MSRA: variants seen among roughly 807,000 people sequenced by gnomAD.
MSRA encodes the protein mitochondrial peptide methionine sulfoxide reductase.
A neutral mutation model predicts 31.3 loss-of-function variants in MSRA; 54 were observed. That is an observed-to-expected ratio of 1.73 (90% CI 1.39 to 2.17). MSRA has a LOEUF of 2.17. Ranked by LOEUF, MSRA falls within the 30% of genes most tolerant of loss-of-function variation. The pLI, the probability that MSRA is intolerant of heterozygous loss-of-function variation, is 0.00. For synonymous variants in MSRA, 169 were observed against 116.5 expected, an observed-to-expected ratio of 1.45 and a Z score of -2.90; for missense variants, 507 against 300.9, an observed-to-expected ratio of 1.69 and a Z score of -5.07.
At chr8:10,232,562 T>C (rs963777347) in intron 2 of MSRA, among the ~76,000 whole-genome samples, 3 of 152,206 alleles carry the variant, frequency 2.0e-5, no homozygotes, top group African/African-American at 7.2e-5. Flanking sequence ...CAATCACAGA[T>C]CTTTACCAGT....
intron 5 of MSRA, among the ~76,000 whole-genome samples, chr8:10,376,349 G>T (rs115893090): frequency 8.5e-4 from 130 of 152,334 alleles, no homozygotes; most frequent in African/African-American, 3.0e-3. Context: ...GGCATCTGTA[G>T]GACTGCGCCT....
chr8:10,083,704 C>G (rs1354383748), intron 1 of MSRA, among the ~76,000 whole-genome samples: 1 of 151,944 alleles, frequency 6.6e-6, no homozygotes, highest in Non-Finnish European at 1.5e-5. Context: ...CTTATTCTGA[C>G]AGTTTTATCT....
At chr8:10,170,079 G>GT (rs1312651386) in intron 1 of MSRA, among the ~76,000 whole-genome samples, 21 of 143,152 alleles carry the variant, frequency 1.5e-4, no homozygotes, top group African/African-American at 5.5e-4. Context: ...TAGAGACAGG[G>GT]TTTCACCATG....
At chr8:10,338,267 C>T (rs1365106862) in intron 5 of MSRA, among the ~76,000 whole-genome samples, 3 of 152,134 alleles carry the variant, frequency 2.0e-5, no homozygotes, top group Non-Finnish European at 4.4e-5. Flanking sequence ...AAAAATACCG[C>T]ATGATCTCAC....
At chr8:10,108,395 C>T (rs1585163556) in intron 1 of MSRA, among the ~76,000 whole-genome samples, 1 of 152,222 alleles carries the variant, frequency 6.6e-6, no homozygotes, top group Non-Finnish European at 1.5e-5. Flanking sequence ...GAGTGACTCC[C>T]ACTGACTTGC....
chr8:10,271,065 CTT>C (rs71837112), intron 3 of MSRA, among the ~76,000 whole-genome samples: 3,653 of 142,806 alleles, frequency 0.026, 143 homozygotes, highest in African/African-American at 0.087. Context: ...GTTCTTTCTT[CTT>C]TTTTTTTTTT....
chr8:10,223,838 G>T (rs1810741546), intron 2 of MSRA, among the ~76,000 whole-genome samples: 1 of 152,120 alleles, frequency 6.6e-6, no homozygotes, highest in South Asian at 2.1e-4. Flanking sequence ...TATAAAACGT[G>T]AAGACCCATC....
chr8:10,110,026 TTCAG>T (rs1473614782), intron 1 of MSRA, among the ~76,000 whole-genome samples: 3 of 152,152 alleles, frequency 2.0e-5, no homozygotes, highest in African/African-American at 4.8e-5. Flanking sequence ...CATCCCAGAT[TTCAG>T]TCCGTCCTTG....
At chr8:10,321,493 G>A (rs1391496617) in intron 5 of MSRA, among the ~76,000 whole-genome samples, 3 of 152,004 alleles carry the variant, frequency 2.0e-5, no homozygotes. Flanking sequence ...TCCCTCCCAG[G>A]GTGATGTCTG....
At position 10,096,304 on chromosome 8, in the gene MSRA, G is replaced by A. The variant is rs193022749; in HGVS notation, c.142+41646G>A. The A allele has an allele frequency of 5.2e-5, 58 of 1,112,114 alleles. No individual in the cohort carries two copies. The African/African-American group carries it at 7.0e-4, about 13-fold the overall frequency. 68.9% of individuals were successfully genotyped at this position (1,112,114 alleles called of 1,614,324 possible). A position where few individuals can be genotyped will look rare whatever the true frequency, so the allele number is the denominator to read the frequency against. On this transcript the variant is annotated intron_variant, in intron 1 of 5. Transcript: ENST00000317173. ...CTGAAGACACCAGACTTCGCTTGAAGGGCAAACAAGAAATGTGAGCTTGGT... is the reference window on the plus strand; with the variant it reads ...CTGAAGACACCAGACTTCGCTTGAAAGGCAAACAAGAAATGTGAGCTTGGT...
chr8:10,091,611 T>G lies in MSRA; in HGVS notation c.142+36953T>G, dbSNP rs1328884747. Reference sequence around the variant, plus strand: ...AGATTGCTGGATCATATGGTAGTTTTTTTTTTTTTTTTGAGTTGAAATTTT... The same window carrying G: ...AGATTGCTGGATCATATGGTAGTTTGTTTTTTTTTTTTGAGTTGAAATTTT... On this transcript the variant is annotated intron_variant, in intron 1 of 5. Transcript: ENST00000317173. Among the ~76,000 whole-genome samples, 41 of 151,962 alleles carry G rather than the reference T, an allele frequency of 2.7e-4. No homozygotes were observed. The South Asian group carries it at 3.5e-3, about 13-fold the overall frequency.
chr8:10,180,672 A>G (rs573567036), intron 1 of MSRA, among the ~76,000 whole-genome samples: 1 of 152,244 alleles, frequency 6.6e-6, no homozygotes, highest in South Asian at 2.1e-4. Flanking sequence ...GCGCTGTACC[A>G]GGAACCAGAG....
At chr8:10,269,389 A>G (rs1665838722) in intron 3 of MSRA, among the ~76,000 whole-genome samples, 1 of 152,200 alleles carries the variant, frequency 6.6e-6, no homozygotes, top group African/African-American at 2.4e-5. Flanking sequence ...GTCATGATAT[A>G]TAGGCCTACT....
At chr8:10,362,533 G>T (rs1804911320) in intron 5 of MSRA, among the ~76,000 whole-genome samples, 2 of 151,570 alleles carry the variant, frequency 1.3e-5, no homozygotes, top group Non-Finnish European at 2.9e-5. Flanking sequence ...CATGGGAGGG[G>T]AGGCCACTGA....
chr8:10,149,205 T>C (rs1803434049), intron 1 of MSRA, among the ~76,000 whole-genome samples: 1 of 151,920 alleles, frequency 6.6e-6, no homozygotes, highest in South Asian at 2.1e-4. Context: ...CACTGCAACT[T>C]CCGCCTCCCG....
At chr8:10,352,838 G>A (rs1585559907) in intron 5 of MSRA, among the ~76,000 whole-genome samples, 1 of 152,024 alleles carries the variant, frequency 6.6e-6, no homozygotes, top group African/African-American at 2.4e-5. Context: ...AACAACAACC[G>A]GGGGAGAAAG....
chr8:10,321,682 CTG>C (rs1056265827), intron 5 of MSRA, among the ~76,000 whole-genome samples: 36 of 152,210 alleles, frequency 2.4e-4, no homozygotes, highest in African/African-American at 8.7e-4. Flanking sequence ...TGAAAACTCT[CTG>C]TTACCGCGTG....
chr8:10,095,244 G>A lies in MSRA; in HGVS notation c.142+40586G>A, dbSNP rs182405042. Among the ~76,000 whole-genome samples the A allele has an allele frequency of 3.2e-3, 488 of 152,228 alleles. 2 individuals are homozygous for A. The highest frequency in any genetic ancestry group is 5.7e-3 in the Non-Finnish European group (387 of 68,016). On this transcript the variant is annotated intron_variant, in intron 1 of 5. Transcript: ENST00000317173. ...ATTTATTGCAGGTTGTGCATATGTC[G>A]CATATGGACATTTCTAGGGAACAGA...
At chr8:10,093,199 G>C (rs1295042685) in intron 1 of MSRA, among the ~76,000 whole-genome samples, 1 of 152,070 alleles carries the variant, frequency 6.6e-6, no homozygotes, top group Non-Finnish European at 1.5e-5. Context: ...TGCAATTACT[G>C]ATGAGATAGG....
Sources: gnomAD v4.1 joint callset for allele counts (sites outside exome capture counted in the v4.1 genomes callset) on GRCh38, gnomAD v4.1.1 for gene constraint, MANE v1.5 for transcripts, NCBI Gene and HGNC (gene_info 2026-07-23, HGNC 2026-07-21) for gene names.